Variants in DNAAF4 observed in about 807,000 individuals in gnomAD.
DNAAF4 encodes dynein axonemal assembly factor 4.
In DNAAF4, 43 loss-of-function variants were observed where a neutral mutation model predicts 51.8. That is an observed-to-expected ratio of 0.83 (90% CI 0.65 to 1.07). The LOEUF (loss-of-function observed/expected upper bound fraction) is 1.07. DNAAF4 is among the 50% of genes least tolerant of loss of function. DNAAF4 has a pLI of 0.00. For synonymous variants in DNAAF4, 194 were observed against 165.6 expected (o/e 1.17, Z -1.32); for missense variants, 581 against 493.0 (o/e 1.18, Z -1.69).
At chr15:55,426,590 C>T (rs767590106), downstream of DNAAF4, among the ~76,000 whole-genome samples, 2 of 151,982 alleles carry the variant, frequency 1.3e-5, no homozygotes, top group Non-Finnish European at 2.9e-5. Context: ...CCACCATGTC[C>T]GGCTAATTTT....
At chr15:55,465,274 G>A (rs78061174) in intron 5 of DNAAF4, among the ~76,000 whole-genome samples, 6,154 of 152,092 alleles carry the variant, frequency 0.04, 416 homozygotes, top group African/African-American at 0.14. Flanking sequence ...TAGAGAAAAA[G>A]AAGTCATTAG....
intron 4 of DNAAF4, among the ~76,000 whole-genome samples, chr15:55,484,226 G>A (rs998006308): frequency 2.0e-4 from 31 of 152,080 alleles, no homozygotes; most frequent in African/African-American, 6.5e-4. Flanking sequence ...GCTCATGCCT[G>A]TAATCCCAGC....
chr15:55,461,734 G>GA (rs1350708142), intron 5 of DNAAF4, among the ~76,000 whole-genome samples: 1 of 151,430 alleles, frequency 6.6e-6, no homozygotes. Context: ...AGAAACTAGA[G>GA]AAAAAAGAAC....
At chr15:55,488,671 G>A (rs1416167216) in intron 4 of DNAAF4, among the ~76,000 whole-genome samples, 1 of 152,166 alleles carries the variant, frequency 6.6e-6, no homozygotes, top group African/African-American at 2.4e-5. Context: ...GACAATTTGT[G>A]GAACAGGATA....
chr15:55,467,542 T>C (rs2058187532), intron 4 of DNAAF4, among the ~76,000 whole-genome samples: 1 of 38,380 alleles, frequency 2.6e-5, no homozygotes, highest in African/African-American at 6.5e-5. Context: ...TCTCTCAAAA[T>C]CTACACACAC....
At chr15:55,457,017 C>T (rs1393759112) in intron 5 of DNAAF4, among the ~76,000 whole-genome samples, 1 of 152,148 alleles carries the variant, frequency 6.6e-6, no homozygotes, top group Admixed American at 6.5e-5. Flanking sequence ...CAGGAATTTT[C>T]CTAAGCAGAA....
chr15:55,420,139 G>C (rs1378371942), intron 7 of DNAAF4, among the ~76,000 whole-genome samples: 3 of 152,192 alleles, frequency 2.0e-5, no homozygotes, highest in Non-Finnish European at 4.4e-5. Context: ...TGAGACCAGA[G>C]AGATCAGGAG....
intron 1 of DNAAF4, among the ~76,000 whole-genome samples, chr15:55,504,861 G>A (rs2058718137): frequency 6.6e-6 from 1 of 152,132 alleles, no homozygotes; most frequent in Non-Finnish European, 1.5e-5. Flanking sequence ...ATAGGCATGG[G>A]CAAAAACTTC....
At position 55,497,721 on chromosome 15, in the gene DNAAF4, C is replaced by A; in HGVS notation, c.262G>T (p.Val88Leu). The A allele has an allele frequency of 1.2e-6, 2 of 1,608,292 alleles. No individual in the cohort carries two copies. The highest frequency in any genetic ancestry group is 1.7e-6 in the Non-Finnish European group (2 of 1,178,240). The change falls in exon 3 of 10, where the codon GTG (valine) becomes TTG (leucine). Residue 88 changes from valine to leucine, a missense_variant. Val to Leu is a conservative substitution (Grantham distance 32). Transcript: ENST00000321149. Reference protein sequence around the residue: ...KEAAMWETLSVTGVDKEMMQR... With the variant: ...KEAAMWETLSLTGVDKEMMQR... ...TTAATAAAGAACTTACCACCCGTCA[C>A]AGAAAGGGTCTCCCACATGGCCGCT... is the stretch of plus-strand genomic sequence containing the variant.
intron 1 of DNAAF4, among the ~76,000 whole-genome samples, chr15:55,507,522 T>A (rs1186915903): frequency 6.6e-6 from 1 of 152,168 alleles, no homozygotes; most frequent in Non-Finnish European, 1.5e-5. Context: ...TGCATATAGC[T>A]TTTGCATCAC....
At position 55,430,448 on chromosome 15, in the gene DNAAF4, T is replaced by C. The variant is rs1371344184; in HGVS notation, c.*222A>G. Reference sequence around the variant, plus strand: ...AAAAAAGTATACATATGTATTAATATGAAGAAATAAGGAATTAAAATAGAT... The same window carrying C: ...AAAAAAGTATACATATGTATTAATACGAAGAAATAAGGAATTAAAATAGAT... On this transcript the variant is annotated 3_prime_UTR_variant, in exon 10 of 10. Transcript: ENST00000321149. 2.9e-6 allele frequency: 3 copies of C among 1,041,656 alleles called. No individual in the cohort carries two copies. Among genetic ancestry groups the C allele is most frequent in the East Asian group, 6.1e-5 (1 of 16,506 alleles). 64.5% of individuals were successfully genotyped at this position (1,041,656 alleles called of 1,614,324 possible).
Position 55,421,899 on chromosome 15 carries a change from TATAATAATAATA to T in DNAAF4, c.1048-3778_1048-3767del, listed in dbSNP as rs72198850. Among the ~76,000 whole-genome samples, 667 of 139,658 alleles carry T rather than the reference TATAATAATAATA, an allele frequency of 4.8e-3. 4 individuals carry two copies. The highest frequency in any genetic ancestry group is 0.012 in the African/African-American group (446 of 38,176). 91.6% of individuals were successfully genotyped at this position (139,658 alleles called of 152,430 possible). A position where few individuals can be genotyped will look rare whatever the true frequency, so the allele number is the denominator to read the frequency against. ...AGGGAAACTCCGTCTCAAAAAAATG[TATAATAATAATA>T]ATAATAATAATAATAATAATAATAA... On this transcript the variant is annotated intron_variant, in intron 7 of 7. Coordinates refer to the DNAAF4 transcript ENST00000448430.
Position 55,450,386 on chromosome 15 carries a change from C to A in DNAAF4, c.638-19G>T, listed in dbSNP as rs747060170. The A allele has an allele frequency of 1.3e-5, 21 of 1,602,788 alleles. No individual in the cohort carries two copies. The Middle Eastern group carries it at 8.3e-4, about 63-fold the overall frequency. ...TTTCTCCCTTCAAAAACAATGGTAGCAAACAAGTCACTTATTTCTCATTTT... is the reference window on the plus strand; with the variant it reads ...TTTCTCCCTTCAAAAACAATGGTAGAAAACAAGTCACTTATTTCTCATTTT... On this transcript the variant is annotated intron_variant, in intron 5 of 9. Coordinates refer to ENST00000321149, the MANE Select transcript of DNAAF4 (RefSeq NM_130810.4).
At chr15:55,430,852 G>A in intron 9 of DNAAF4, 73 bp from the exon 10 acceptor site, 1 of 1,220,674 alleles carries the variant, frequency 8.2e-7, no homozygotes, top group South Asian at 1.4e-5. Context: ...GACAATAGTT[G>A]TTTAAAATAA....
chr15:55,433,814 T>A (rs1416187033), intron 8 of DNAAF4, among the ~76,000 whole-genome samples: 1 of 86,196 alleles, frequency 1.2e-5, no homozygotes, highest in Non-Finnish European at 2.2e-5. Flanking sequence ...ATATATATAA[T>A]ATATATTATA....
intron 7 of DNAAF4, among the ~76,000 whole-genome samples, chr15:55,438,727 G>C (rs1340660883): frequency 6.6e-6 from 1 of 151,148 alleles, no homozygotes; most frequent in Non-Finnish European, 1.5e-5. Flanking sequence ...AGAGGTTGCA[G>C]TGAGCTGAGA....
intron 4 of DNAAF4, among the ~76,000 whole-genome samples, chr15:55,470,300 C>T (rs567913300): frequency 3.7e-4 from 56 of 152,156 alleles, no homozygotes; most frequent in Non-Finnish European, 6.9e-4. Flanking sequence ...GATCCACCCG[C>T]CTAGGCCTCC....
At chr15:55,492,599 G>A (rs867067230) in intron 3 of DNAAF4, among the ~76,000 whole-genome samples, 9 of 151,864 alleles carry the variant, frequency 5.9e-5, no homozygotes, top group African/African-American at 2.2e-4. Context: ...GAGTGCTGTG[G>A]TCCGATCTCA....
intron 4 of DNAAF4, among the ~76,000 whole-genome samples, chr15:55,480,027 C>T (rs1168859190): frequency 1.3e-5 from 2 of 152,078 alleles, no homozygotes; most frequent in African/African-American, 2.4e-5. Context: ...CTGCTTTTGC[C>T]CTTTGTCCTG....
Sources: gnomAD v4.1 joint callset for allele counts (sites outside exome capture counted in the v4.1 genomes callset) on GRCh38, gnomAD v4.1.1 for gene constraint, MANE v1.5 for transcripts, NCBI Gene and HGNC (gene_info 2026-07-23, HGNC 2026-07-21) for gene names.